The following AOAH variants were observed in gnomAD, a reference collection of about 807,000 sequenced individuals.
The protein encoded by AOAH is acyloxyacyl hydrolase, also known as acyloxyacyl hydrolase (neutrophil).
In AOAH, 64 loss-of-function variants were observed where a neutral mutation model predicts 92.2. The ratio of observed to expected loss-of-function variants is 0.69; its 90% confidence interval spans 0.57 to 0.86. The LOEUF is 0.86. AOAH is among the 40% of genes least tolerant of loss of function. AOAH has a pLI of 0.00. For synonymous variants in AOAH, 263 were observed against 254.5 expected (o/e 1.03, Z -0.32); for missense variants, 656 against 694.6 (o/e 0.94, Z 0.62).
At chr7:36,705,135 T>C (rs1043584627) in intron 1 of AOAH, among the ~76,000 whole-genome samples, 2 of 152,160 alleles carry the variant, frequency 1.3e-5, no homozygotes, top group African/African-American at 4.8e-5. Flanking sequence ...TATTGGAAGT[T>C]CTGGCCAATG....
chr7:36,544,168 A>G (rs1173869029), intron 15 of AOAH, among the ~76,000 whole-genome samples: 1 of 151,514 alleles, frequency 6.6e-6, no homozygotes, highest in African/African-American at 2.4e-5. Context: ...GATGGTCTCA[A>G]TCTCTTGACC....
At chr7:36,636,191 G>GTTTAT (rs1014813051) in intron 5 of AOAH, among the ~76,000 whole-genome samples, 1 of 152,160 alleles carries the variant, frequency 6.6e-6, no homozygotes. Context: ...TGCATTTTCT[G>GTTTAT]TTTATTTTTG....
At chr7:36,594,706 G>A (rs1024517002) in intron 11 of AOAH, 2 of 438,720 alleles carry the variant, frequency 4.6e-6, no homozygotes. Context: ...GGATGCTTCA[G>A]CAGACTAAAC....
chr7:36,603,850 TAGC>T (rs1790784539), intron 11 of AOAH, among the ~76,000 whole-genome samples: 1 of 152,242 alleles, frequency 6.6e-6, no homozygotes, highest in Non-Finnish European at 1.5e-5. Context: ...ATACATATAA[TAGC>T]AGAGTCATTT....
chr7:36,603,651 GTGAACGGGCATCGCTGTGTTCCAA>G (rs1431979366), intron 11 of AOAH, among the ~76,000 whole-genome samples: 1 of 152,192 alleles, frequency 6.6e-6, no homozygotes, highest in Admixed American at 6.5e-5. Flanking sequence ...CAATATGTAA[GTGAACGGGCATCGCTGTGTTCCAA>G]TGAAACTTAG....
chr7:36,723,969 T>A, intron 1 of AOAH, 53 bp downstream of exon 1: 1 of 1,577,304 alleles, frequency 6.3e-7, no homozygotes, highest in Non-Finnish European at 8.6e-7. Flanking sequence ...AGCAAAGTAC[T>A]GGATCCCATT....
intron 1 of AOAH, among the ~76,000 whole-genome samples, chr7:36,696,381 C>T (rs1420156977): frequency 6.6e-6 from 1 of 152,142 alleles, no homozygotes; most frequent in Non-Finnish European, 1.5e-5. Flanking sequence ...GCCATCTTAA[C>T]ACTATTGAAT....
intron 15 of AOAH, among the ~76,000 whole-genome samples, chr7:36,547,405 G>T (rs1192940828): frequency 1.3e-5 from 2 of 152,142 alleles, no homozygotes; most frequent in Non-Finnish European, 2.9e-5. Flanking sequence ...TTATCTGTGC[G>T]GGCAAACACA....
chr7:36,687,316 C>T (rs1241054865), intron 1 of AOAH, among the ~76,000 whole-genome samples: 1 of 152,150 alleles, frequency 6.6e-6, no homozygotes, highest in East Asian at 1.9e-4. Context: ...AATCATAACA[C>T]ACTGTAAAAT....
At chr7:36,668,011 G>T (rs1376425112) in intron 3 of AOAH, among the ~76,000 whole-genome samples, 2 of 152,150 alleles carry the variant, frequency 1.3e-5, no homozygotes, top group African/African-American at 4.8e-5. Flanking sequence ...GACAATTTCT[G>T]TTTCTTAGTT....
chr7:36,698,027 T>C (rs1342600468), intron 1 of AOAH, among the ~76,000 whole-genome samples: 2 of 152,176 alleles, frequency 1.3e-5, no homozygotes, highest in African/African-American at 4.8e-5. Context: ...GGATAAGGTC[T>C]TGTAATTTTC....
At chr7:36,722,477 G>A (rs886157610) in intron 1 of AOAH, among the ~76,000 whole-genome samples, 1 of 152,130 alleles carries the variant, frequency 6.6e-6, no homozygotes, top group Non-Finnish European at 1.5e-5. Flanking sequence ...CCATTTGATG[G>A]GCAGTAGGGT....
chr7:36,566,270 T>G (rs1387539968), intron 13 of AOAH, among the ~76,000 whole-genome samples: 1 of 152,040 alleles, frequency 6.6e-6, no homozygotes, highest in African/African-American at 2.4e-5. Context: ...GGGTGGGGAC[T>G]GTGTTATAAA....
intron 12 of AOAH, among the ~76,000 whole-genome samples, chr7:36,585,070 T>C (rs1326735966): frequency 1.3e-5 from 2 of 151,884 alleles, no homozygotes; most frequent in Non-Finnish European, 2.9e-5. Context: ...ACATTGGTAT[T>C]GAAGGACATG....
At chr7:36,712,313 G>T (rs1318717126) in intron 1 of AOAH, among the ~76,000 whole-genome samples, 2 of 152,086 alleles carry the variant, frequency 1.3e-5, no homozygotes, top group Non-Finnish European at 2.9e-5. Context: ...GACACTGAAG[G>T]CATTTTATAT....
chr7:36,552,319 G>C (rs539944655), intron 13 of AOAH, among the ~76,000 whole-genome samples: 33 of 152,262 alleles, frequency 2.2e-4, no homozygotes, highest in Admixed American at 6.5e-4. Flanking sequence ...CCATGTCCCT[G>C]CAAAGAACAT....
At chr7:36,628,833 TC>T (rs1792863296) in intron 6 of AOAH, among the ~76,000 whole-genome samples, 1 of 152,204 alleles carries the variant, frequency 6.6e-6, no homozygotes, top group Non-Finnish European at 1.5e-5. Flanking sequence ...ACGTGAGGAC[TC>T]CGTGCTAGTG....
At chr7:36,583,494 G>T (rs1789085640) in intron 12 of AOAH, among the ~76,000 whole-genome samples, 1 of 152,164 alleles carries the variant, frequency 6.6e-6, no homozygotes, top group South Asian at 2.1e-4. Context: ...CTACATCATA[G>T]AACAACTAAG....
At chr7:36,605,839 A>G (rs1790961388) in intron 11 of AOAH, among the ~76,000 whole-genome samples, 1 of 152,172 alleles carries the variant, frequency 6.6e-6, no homozygotes, top group Non-Finnish European at 1.5e-5. Flanking sequence ...AAGGAAACGG[A>G]AGAACATTCT....
Sources: gnomAD v4.1 joint callset for allele counts (sites outside exome capture counted in the v4.1 genomes callset) on GRCh38, gnomAD v4.1.1 for gene constraint, MANE v1.5 for transcripts, NCBI Gene and HGNC (gene_info 2026-07-23, HGNC 2026-07-21) for gene names.